RNGTT: variants seen among roughly 807,000 people sequenced by gnomAD.
The protein encoded by RNGTT is RNA guanylyltransferase and 5'-phosphatase.
RNGTT carries 33 observed loss-of-function variants against 79.3 expected under a neutral mutation model. The observed-to-expected ratio is 0.42, with a 90% CI of 0.32 to 0.56. The LOEUF is 0.56. Among genes scored for constraint, RNGTT ranks in the 20% least tolerant of loss-of-function variants. The probability of loss-of-function intolerance (pLI) is 0.17; values close to 1 mark genes in which losing one functional copy is unlikely to be tolerated. For missense variants in RNGTT, 497 were observed against 739.1 expected (o/e 0.67, Z 3.80); for synonymous variants, 222 against 235.9 (o/e 0.94, Z 0.54).
At chr6:88,782,855 A>G (rs1291814626) in intron 12 of RNGTT, among the ~76,000 whole-genome samples, 2 of 152,172 alleles carry the variant, frequency 1.3e-5, no homozygotes. Flanking sequence ...AGCACTTCAC[A>G]TTTACGAGGA....
intron 13 of RNGTT, among the ~76,000 whole-genome samples, chr6:88,684,064 A>G (rs1053438057): frequency 9.9e-5 from 15 of 152,184 alleles, no homozygotes; most frequent in African/African-American, 3.6e-4. Flanking sequence ...TTTAAAAATG[A>G]GCAAAAGACT....
intron 13 of RNGTT, among the ~76,000 whole-genome samples, chr6:88,759,135 T>A (rs930151101): frequency 1.3e-5 from 2 of 152,240 alleles, no homozygotes; most frequent in African/African-American, 4.8e-5. Context: ...CAGTATGGAC[T>A]CATAGATTCC....
At chr6:88,879,590 GA>G (rs551284795) in intron 8 of RNGTT, among the ~76,000 whole-genome samples, 2 of 148,422 alleles carry the variant, frequency 1.3e-5, no homozygotes, top group African/African-American at 4.9e-5. Flanking sequence ...ATTTTCATGA[GA>G]AAAAAAAAAT....
intron 2 of RNGTT, among the ~76,000 whole-genome samples, chr6:88,936,321 A>G (rs1424501426): frequency 6.6e-6 from 1 of 152,206 alleles, no homozygotes; most frequent in Non-Finnish European, 1.5e-5. Context: ...ATTTAAGATT[A>G]TATCATCAGC....
intron 2 of RNGTT, among the ~76,000 whole-genome samples, chr6:88,936,035 T>A (rs1378497913): frequency 2.0e-5 from 3 of 152,188 alleles, no homozygotes; most frequent in African/African-American, 7.2e-5. Flanking sequence ...TCCTCCCACT[T>A]CAGCCTCCTG....
intron 13 of RNGTT, among the ~76,000 whole-genome samples, chr6:88,694,310 T>C (rs150228488): frequency 5.9e-5 from 9 of 152,180 alleles, no homozygotes; most frequent in African/African-American, 1.7e-4. Flanking sequence ...TTCTATATCC[T>C]AACAACAAAC....
chr6:88,890,980 C>T lies in RNGTT; in HGVS notation c.795-384G>A, dbSNP rs115476144. Among the ~76,000 whole-genome samples, 840 of 152,236 alleles carry T rather than the reference C, an allele frequency of 5.5e-3. 7 individuals are homozygous for T. The highest frequency in any genetic ancestry group is 0.018 in the African/African-American group (728 of 41,540). ...CCATATTTCCCCAACGTGAGACTGC[C>T]AACTTGACATAACTGCAAGGTTGGC... On this transcript the variant is annotated intron_variant, in intron 7 of 15. Coordinates refer to ENST00000369485, the MANE Select transcript of RNGTT (RefSeq NM_003800.5).
intron 14 of RNGTT, among the ~76,000 whole-genome samples, chr6:88,625,028 TACTA>T (rs1772574038): frequency 6.6e-6 from 1 of 151,978 alleles, no homozygotes; most frequent in African/African-American, 2.4e-5. Context: ...CACACTGAGA[TACTA>T]TATATACCTA....
intron 12 of RNGTT, among the ~76,000 whole-genome samples, chr6:88,791,834 C>T (rs551640547): frequency 1.3e-5 from 2 of 152,188 alleles, no homozygotes; most frequent in East Asian, 3.9e-4. Context: ...CCACCATGCT[C>T]GGCCCAGGAT....
chr6:88,750,349 C>A (rs980576038), intron 13 of RNGTT, among the ~76,000 whole-genome samples: 1 of 151,874 alleles, frequency 6.6e-6, no homozygotes, highest in South Asian at 2.1e-4. Context: ...TTAGTCCAGG[C>A]AATATAATGC....
At chr6:88,880,619 C>T (rs1293137981) in intron 8 of RNGTT, among the ~76,000 whole-genome samples, 2 of 152,074 alleles carry the variant, frequency 1.3e-5, no homozygotes, top group Non-Finnish European at 2.9e-5. Flanking sequence ...TTTCCTGTGT[C>T]GAGCATAATC....
intron 4 of RNGTT, among the ~76,000 whole-genome samples, chr6:88,925,722 G>A (rs1784299158): frequency 6.6e-6 from 1 of 151,788 alleles, no homozygotes; most frequent in Non-Finnish European, 1.5e-5. Context: ...TGAAAATCTA[G>A]ATTCCTGGCA....
chr6:88,649,156 A>G (rs931612036), intron 14 of RNGTT, among the ~76,000 whole-genome samples: 6 of 152,204 alleles, frequency 3.9e-5, no homozygotes, highest in Non-Finnish European at 7.4e-5. Context: ...GACTTACTGT[A>G]TATTTAATGT....
intron 14 of RNGTT, among the ~76,000 whole-genome samples, chr6:88,636,452 T>C (rs1773103070): frequency 6.6e-6 from 1 of 152,064 alleles, no homozygotes; most frequent in South Asian, 2.1e-4. Flanking sequence ...CAGCTAGTCA[T>C]GGAAGGTTTC....
intron 13 of RNGTT, among the ~76,000 whole-genome samples, chr6:88,731,824 A>G (rs1177529196): frequency 1.3e-5 from 2 of 152,166 alleles, no homozygotes; most frequent in African/African-American, 4.8e-5. Context: ...TTAACTACTA[A>G]TAGCCTGCTG....
intron 13 of RNGTT, among the ~76,000 whole-genome samples, chr6:88,736,714 C>T (rs1309879132): frequency 6.6e-6 from 1 of 152,188 alleles, no homozygotes; most frequent in African/African-American, 2.4e-5. Flanking sequence ...TGTACTACCA[C>T]TCAGTAAAGA....
chr6:88,859,203 CT>C (rs150317107), intron 8 of RNGTT, among the ~76,000 whole-genome samples: 14 of 147,920 alleles, frequency 9.5e-5, no homozygotes, highest in Middle Eastern at 3.4e-3. Context: ...GTTATTTTAA[CT>C]TTTTTTTTTA....
At chr6:88,777,916 T>C (rs1582449723) in intron 12 of RNGTT, among the ~76,000 whole-genome samples, 1 of 152,230 alleles carries the variant, frequency 6.6e-6, no homozygotes, top group African/African-American at 2.4e-5. Flanking sequence ...TTAATTGTGA[T>C]GCTAGCTGTG....
At position 88,698,291 on chromosome 6, in the gene RNGTT, CAT is replaced by C. The variant is rs1192855957; in HGVS notation, c.1440-19874_1440-19873del. On this transcript the variant is annotated intron_variant, in intron 13 of 15. Coordinates refer to ENST00000369485, the MANE Select transcript of RNGTT (RefSeq NM_003800.5). ...TATGATATATATATTTCATATATATCATATATATATGAAATATATATATGAAA... is the reference window on the plus strand; with the variant it reads ...TATGATATATATATTTCATATATATCATATATATGAAATATATATATGAAA... Among the ~76,000 whole-genome samples the C allele has an allele frequency of 7.7e-4, 69 of 89,654 alleles. 2 individuals carry two copies. The highest frequency in any genetic ancestry group is 4.1e-3 in the South Asian group (13 of 3,188). The allele number at this position is 89,654 out of a possible 152,430, so 58.8% of individuals were successfully genotyped here.
Sources: gnomAD v4.1 joint callset for allele counts (sites outside exome capture counted in the v4.1 genomes callset) on GRCh38, gnomAD v4.1.1 for gene constraint, MANE v1.5 for transcripts, NCBI Gene and HGNC (gene_info 2026-07-23, HGNC 2026-07-21) for gene names.